The following RIMS1 variants were observed in gnomAD, a reference collection of about 807,000 sequenced individuals.
The protein encoded by RIMS1 is regulating synaptic membrane exocytosis 1.
Under a neutral mutation model 214.1 loss-of-function variants are expected in RIMS1, and 83 were observed. The ratio of observed to expected loss-of-function variants is 0.39; its 90% CI spans 0.32 to 0.47. The LOEUF (loss-of-function observed/expected upper bound fraction) is 0.47, where lower values mean the gene tolerates loss of function less well. Ranked by LOEUF, RIMS1 falls within the 20% of genes least tolerant of loss-of-function variation. The pLI is 0.99. For synonymous variants in RIMS1, 793 were observed against 786.8 expected, an observed-to-expected ratio of 1.01 and a Z score of -0.13; for missense variants, 2,050 against 2,161.8, an observed-to-expected ratio of 0.95 and a Z score of 1.03.
At chr6:72,340,826 G>A (rs528496014) in intron 29 of RIMS1, among the ~76,000 whole-genome samples, 14 of 151,958 alleles carry the variant, frequency 9.2e-5, no homozygotes, top group Non-Finnish European at 1.0e-4. Context: ...GAAGAAAGTC[G>A]TTGGTAGCTT....
intron 2 of RIMS1, among the ~76,000 whole-genome samples, chr6:72,069,287 C>A (rs991983579): frequency 1.3e-5 from 2 of 152,206 alleles, no homozygotes; most frequent in Non-Finnish European, 2.9e-5. Flanking sequence ...ATTAGAATAG[C>A]AGCAGCTTCT....
intron 6 of RIMS1, among the ~76,000 whole-genome samples, chr6:72,184,728 T>C (rs2048854633): frequency 6.6e-6 from 1 of 150,750 alleles, no homozygotes; most frequent in Non-Finnish European, 1.5e-5. Context: ...GATATGTGCC[T>C]GAACAGGTTT....
intron 6 of RIMS1, chr6:72,216,749 T>C (rs1465097852): frequency 1.0e-6 from 1 of 986,110 alleles, no homozygotes; most frequent in African/African-American, 1.7e-5. Flanking sequence ...TTTGCCTGAG[T>C]CTTTTCTTCT....
chr6:72,247,278 A>G (rs1378894055), intron 11 of RIMS1, among the ~76,000 whole-genome samples: 2 of 152,224 alleles, frequency 1.3e-5, no homozygotes, highest in Non-Finnish European at 2.9e-5. Context: ...CATTTATAAG[A>G]TCAAAACTAA....
chr6:72,397,776 G>A (rs936089675), intron 31 of RIMS1, among the ~76,000 whole-genome samples: 1 of 151,430 alleles, frequency 6.6e-6, no homozygotes, highest in East Asian at 1.9e-4. Context: ...AAATGATGGT[G>A]TATGATCATG....
chr6:72,250,774 A>C, intron 13 of RIMS1, 147 bp from the exon 14 acceptor site: 1 of 569,728 alleles, frequency 1.8e-6, no homozygotes, highest in African/African-American at 1.9e-5. Context: ...TGAAGTTAGA[A>C]TATTATTAAA....
At chr6:72,231,146 G>T (rs2061817710) in intron 6 of RIMS1, among the ~76,000 whole-genome samples, 2 of 151,634 alleles carry the variant, frequency 1.3e-5, no homozygotes, top group Admixed American at 1.3e-4. Flanking sequence ...GTTGAGTGTT[G>T]CTTATTCCGT....
rs1829679374 is a variant in RIMS1, at chr6:72,067,843, T to C, written c.246-29106T>C. Among the ~76,000 whole-genome samples the C allele has an allele frequency of 2.6e-5, 4 of 152,232 alleles. 1 individual carries two copies. Among genetic ancestry groups the C allele is most frequent in the Non-Finnish European group, 5.9e-5 (4 of 68,034 alleles). On this transcript the variant is annotated intron_variant, in intron 2 of 33. Coordinates refer to ENST00000521978, the MANE Select transcript of RIMS1 (RefSeq NM_014989.7). ...AGAAAATCAGAGCCTGTTATATTCT[T>C]CATTAATGTGAGTCAAGTACTTTTA... is the stretch of plus-strand genomic sequence containing the variant.
chr6:72,056,247 A>G (rs543568469), intron 2 of RIMS1, among the ~76,000 whole-genome samples: 1 of 152,090 alleles, frequency 6.6e-6, no homozygotes, highest in Non-Finnish European at 1.5e-5. Context: ...AATGACAGAC[A>G]CCAGGGCCTA....
chr6:72,163,804 G>T (rs1416643288), intron 4 of RIMS1, among the ~76,000 whole-genome samples: 1 of 96,530 alleles, frequency 1.0e-5, no homozygotes, highest in African/African-American at 2.8e-5. Flanking sequence ...CTGGCTGGGG[G>T]GGGGGGGCCT....
intron 27 of RIMS1, among the ~76,000 whole-genome samples, chr6:72,309,436 T>C (rs2095402067): frequency 6.6e-6 from 1 of 152,116 alleles, no homozygotes; most frequent in African/African-American, 2.4e-5. Context: ...AGCCTCTCTG[T>C]ATAGTGAAGA....
At chr6:72,166,415 A>C (rs994703953) in intron 4 of RIMS1, among the ~76,000 whole-genome samples, 1 of 152,016 alleles carries the variant, frequency 6.6e-6, no homozygotes, top group Non-Finnish European at 1.5e-5. Flanking sequence ...AGCCACATTC[A>C]GAATTAGAGC....
intron 2 of RIMS1, among the ~76,000 whole-genome samples, chr6:72,018,992 GAT>G (rs1813688672): frequency 1.3e-5 from 2 of 152,152 alleles, no homozygotes; most frequent in South Asian, 4.1e-4. Context: ...TGACCTGCTT[GAT>G]TAGATAAGAA....
At chr6:71,977,390 C>A (rs192107773) in intron 2 of RIMS1, among the ~76,000 whole-genome samples, 64 of 152,278 alleles carry the variant, frequency 4.2e-4, no homozygotes, top group African/African-American at 8.4e-4. Flanking sequence ...CCTATTTATT[C>A]TCTCTTCAAC....
intron 1 of RIMS1, among the ~76,000 whole-genome samples, chr6:71,890,707 T>C (rs1243906384): frequency 2.0e-5 from 3 of 151,378 alleles, no homozygotes; most frequent in Non-Finnish European, 4.4e-5. Context: ...ATAATGTAAA[T>C]AGGTAACATT....
chr6:72,181,464 GAT>G (rs1333271439), intron 5 of RIMS1, among the ~76,000 whole-genome samples: 4 of 152,304 alleles, frequency 2.6e-5, no homozygotes, highest in East Asian at 3.9e-4. Context: ...CTTTAAATAA[GAT>G]AGAGAATTTG....
chr6:71,987,518 C>T (rs2151558418), intron 2 of RIMS1, among the ~76,000 whole-genome samples: 1 of 152,276 alleles, frequency 6.6e-6, no homozygotes, highest in East Asian at 1.9e-4. Flanking sequence ...CAATACCATC[C>T]CATTGGGTAT....
At chr6:71,953,859 G>C (rs530455106) in intron 1 of RIMS1, among the ~76,000 whole-genome samples, 1 of 152,266 alleles carries the variant, frequency 6.6e-6, no homozygotes, top group South Asian at 2.1e-4. Context: ...GAGAATTACA[G>C]CTCTGAGACT....
chr6:72,003,000 C>T lies in RIMS1; in HGVS notation c.245+33937C>T, dbSNP rs150240973. Among the ~76,000 whole-genome samples, 245 of 152,280 alleles carry T rather than the reference C, an allele frequency of 1.6e-3. 2 individuals are homozygous for T. Among genetic ancestry groups the T allele is most frequent in the African/African-American group, 5.8e-3 (240 of 41,542 alleles). ...GTGGGGTCACAGGTATGCTTTCTAG[C>T]CACTAATGAAATATCCATTTTTATC... On this transcript the variant is annotated intron_variant, in intron 2 of 33. Coordinates refer to ENST00000521978, the MANE Select transcript of RIMS1 (RefSeq NM_014989.7).
Sources: allele counts gnomAD v4.1 joint callset (sites outside exome capture counted in the v4.1 genomes callset), GRCh38; gene constraint gnomAD v4.1.1; transcripts MANE v1.5; gene names NCBI Gene and HGNC (gene_info 2026-07-23, HGNC 2026-07-21).